FSTL5: variants seen among roughly 807,000 people sequenced by gnomAD.
FSTL5 encodes follistatin-related protein 5.
Under a neutral mutation model 89.1 loss-of-function variants are expected in FSTL5, and 62 were observed. That is an observed-to-expected ratio of 0.70 (90% confidence interval 0.57 to 0.86). FSTL5 has a LOEUF of 0.86. Among genes scored for constraint, FSTL5 ranks in the 40% least tolerant of loss-of-function variants. The pLI is 0.00. For missense variants in FSTL5, 1,057 were observed against 1,001.6 expected, an observed-to-expected ratio of 1.06 and a Z score of -0.75; for synonymous variants, 383 against 346.2, an observed-to-expected ratio of 1.11 and a Z score of -1.18.
intron 4 of FSTL5, among the ~76,000 whole-genome samples, chr4:161,836,195 A>G (rs1342513153): frequency 6.6e-6 from 1 of 151,466 alleles, no homozygotes; most frequent in Non-Finnish European, 1.5e-5. Context: ...TGAGTAAACT[A>G]TCGCAAGAAC....
At position 161,538,417 on chromosome 4, in the gene FSTL5, C is replaced by T. The variant is rs576426472; in HGVS notation, c.1178-117G>A. ...TGTCCTAATTAAACTGTTTCCCTTC[C>T]TACTTCCATACTTTGAAGGCATGCC... On this transcript the variant is annotated intron_variant, in intron 9 of 15. Coordinates refer to ENST00000306100, the MANE Select transcript of FSTL5 (RefSeq NM_020116.5). 1.9e-5 allele frequency: 21 copies of T among 1,119,152 alleles called. No homozygotes were observed. In the East Asian group the frequency reaches 4.3e-4, roughly 23 times the overall value. The allele number at this position is 1,119,152 out of a possible 1,614,324, so 69.3% of individuals were successfully genotyped here.
At chr4:161,472,728 A>C (rs1733989581) in intron 13 of FSTL5, among the ~76,000 whole-genome samples, 1 of 75,616 alleles carries the variant, frequency 1.3e-5, no homozygotes, top group Non-Finnish European at 2.6e-5. Context: ...TATTATATGT[A>C]ACTTTTTTTT....
At chr4:161,784,665 C>G (rs1232203928) in intron 4 of FSTL5, among the ~76,000 whole-genome samples, 6 of 151,814 alleles carry the variant, frequency 4.0e-5, no homozygotes, top group African/African-American at 9.7e-5. Context: ...AAGGCGGAGG[C>G]GGGTGGATCA....
At chr4:162,010,870 T>G (rs1736747079) in intron 3 of FSTL5, among the ~76,000 whole-genome samples, 1 of 152,246 alleles carries the variant, frequency 6.6e-6, no homozygotes, top group South Asian at 2.1e-4. Flanking sequence ...GTTTTCATTT[T>G]TTTCTTATTA....
intron 2 of FSTL5, among the ~76,000 whole-genome samples, chr4:162,097,556 T>C (rs1480160337): frequency 6.6e-6 from 1 of 151,882 alleles, no homozygotes; most frequent in Admixed American, 6.6e-5. Context: ...ATGATGTAAG[T>C]ATTCCTATAA....
chr4:161,524,804 A>T (rs2126521039), intron 10 of FSTL5, among the ~76,000 whole-genome samples: 1 of 152,152 alleles, frequency 6.6e-6, no homozygotes, highest in East Asian at 1.9e-4. Flanking sequence ...CTAAAAATAC[A>T]AAAATTAGCC....
At chr4:161,876,462 C>T (rs1263218210) in intron 4 of FSTL5, among the ~76,000 whole-genome samples, 3 of 152,160 alleles carry the variant, frequency 2.0e-5, no homozygotes, top group African/African-American at 7.2e-5. Flanking sequence ...TTTTGGACAG[C>T]TATTCATCTT....
At chr4:161,960,165 T>A (rs1735135820) in intron 3 of FSTL5, among the ~76,000 whole-genome samples, 1 of 9,544 alleles carries the variant, frequency 1.0e-4, no homozygotes, top group Admixed American at 1.7e-3. Context: ...TAATGTAATT[T>A]TTTTTTTTTT....
chr4:161,454,059 C>T (rs1055944214), intron 15 of FSTL5, among the ~76,000 whole-genome samples: 4 of 152,000 alleles, frequency 2.6e-5, no homozygotes, highest in Non-Finnish European at 4.4e-5. Context: ...ATTTATTAAT[C>T]CCCGTTTTTA....
chr4:161,674,261 T>G (rs1400983451), intron 6 of FSTL5, among the ~76,000 whole-genome samples: 1 of 152,040 alleles, frequency 6.6e-6, no homozygotes, highest in African/African-American at 2.4e-5. Flanking sequence ...TTTAAAGAAT[T>G]TACATTGTAA....
chr4:161,855,147 C>T (rs1439568703), intron 4 of FSTL5, among the ~76,000 whole-genome samples: 5 of 151,682 alleles, frequency 3.3e-5, no homozygotes, highest in Admixed American at 2.0e-4. Flanking sequence ...TGATTAAGCT[C>T]TAATTGTGGT....
chr4:162,072,484 T>C (rs1394690936), intron 2 of FSTL5, among the ~76,000 whole-genome samples: 8 of 151,846 alleles, frequency 5.3e-5, no homozygotes, highest in Non-Finnish European at 2.9e-5. Flanking sequence ...CAAGTAATTA[T>C]CTACTACTTT....
chr4:161,779,722 A>C, intron 4 of FSTL5, among the ~76,000 whole-genome samples: 1 of 136,842 alleles, frequency 7.3e-6, no homozygotes, highest in Non-Finnish European at 1.6e-5. Context: ...TAAATATTTC[A>C]TGAATTCTGT....
chr4:161,533,444 C>T (rs1162686437), intron 10 of FSTL5, among the ~76,000 whole-genome samples: 3 of 152,004 alleles, frequency 2.0e-5, no homozygotes, highest in Non-Finnish European at 4.4e-5. Context: ...ATTATGAACA[C>T]CTCTATGCAC....
intron 3 of FSTL5, among the ~76,000 whole-genome samples, chr4:161,975,273 A>C (rs1166927457): frequency 6.7e-6 from 1 of 149,884 alleles, no homozygotes; most frequent in Non-Finnish European, 1.5e-5. Context: ...AAAGGACTAT[A>C]AATCATGCTG....
chr4:161,658,341 C>T (rs552327077), intron 6 of FSTL5, among the ~76,000 whole-genome samples: 38 of 152,100 alleles, frequency 2.5e-4, no homozygotes, highest in African/African-American at 8.7e-4. Context: ...CGCCTGTAGT[C>T]CCTGCTACTC....
chr4:162,151,674 G>A (rs1388836), intron 1 of FSTL5, among the ~76,000 whole-genome samples: 80,068 of 151,932 alleles, frequency 0.53, 21,275 homozygotes, highest in Admixed American at 0.59. Flanking sequence ...GTATCACACA[G>A]CAGGGTTTCC....
intron 2 of FSTL5, among the ~76,000 whole-genome samples, chr4:162,046,282 T>C (rs920938616): frequency 3.9e-5 from 6 of 152,094 alleles, no homozygotes; most frequent in African/African-American, 1.2e-4. Context: ...AAAGAATTTA[T>C]AGGGTGATGT....
chr4:161,495,945 T>A (rs1017541348), intron 12 of FSTL5, among the ~76,000 whole-genome samples: 75 of 151,298 alleles, frequency 5.0e-4, no homozygotes, highest in African/African-American at 1.7e-3. Flanking sequence ...AACTTTTCAC[T>A]GTGTAATCCT....
Sources: allele counts gnomAD v4.1 joint callset (sites outside exome capture counted in the v4.1 genomes callset), GRCh38; gene constraint gnomAD v4.1.1; transcripts MANE v1.5; gene names NCBI Gene and HGNC (gene_info 2026-07-23, HGNC 2026-07-21).